The following PLEKHH1 variants were observed in gnomAD, a reference collection of about 807,000 sequenced individuals.
PLEKHH1 encodes pleckstrin homology domain-containing family H member 1.
A neutral mutation model predicts 160.0 loss-of-function variants in PLEKHH1; 104 were observed. The observed-to-expected ratio is 0.65, with a 90% CI of 0.55 to 0.76. The LOEUF is 0.76. Among genes scored for constraint, PLEKHH1 ranks in the 30% least tolerant of loss-of-function variants. The probability of loss-of-function intolerance (pLI) is 0.00; values close to 1 mark genes in which losing one functional copy is unlikely to be tolerated. For synonymous variants in PLEKHH1, 619 were observed against 678.4 expected, an observed-to-expected ratio of 0.91 and a Z score of 1.36; for missense variants, 1,427 against 1,724.1, an observed-to-expected ratio of 0.83 and a Z score of 3.05.
Position 67,562,134 on chromosome 14 carries a change from C to T in PLEKHH1, c.506-3C>T. 2 of 1,611,202 alleles carry T rather than the reference C, an allele frequency of 1.2e-6. No homozygotes were observed. Among genetic ancestry groups the T allele is most frequent in the Non-Finnish European group, 1.7e-6 (2 of 1,177,966 alleles). ...AATGTGACTGTTTTTACCCGAATCA[C>T]AGCTATTCAGATAGCTCCTTCACGG... On this transcript the variant is annotated splice_region_variant and splice_polypyrimidine_tract_variant and intron_variant, in intron 6 of 28. Transcript: ENST00000329153.
At chr14:67,544,429 T>A (rs1338656562) in intron 2 of PLEKHH1, among the ~76,000 whole-genome samples, 2 of 152,014 alleles carry the variant, frequency 1.3e-5, no homozygotes, top group Non-Finnish European at 2.9e-5. Flanking sequence ...TCACACAGGA[T>A]CCACACAGAA....
chr14:67,572,105 C>G, intron 10 of PLEKHH1, 30 bp from the exon 11 acceptor site: 1 of 1,592,932 alleles, frequency 6.3e-7, no homozygotes, highest in Non-Finnish European at 8.5e-7. Flanking sequence ...GGTGTGGGAC[C>G]CGGGCCTTGA....
At chr14:67,547,605 G>A (rs918959844) in intron 2 of PLEKHH1, among the ~76,000 whole-genome samples, 2 of 152,212 alleles carry the variant, frequency 1.3e-5, no homozygotes, top group South Asian at 4.2e-4. Context: ...CATTACATGG[G>A]CTGATGACTG....
At chr14:67,563,631 C>T (rs1338817275) in intron 7 of PLEKHH1, among the ~76,000 whole-genome samples, 1 of 151,436 alleles carries the variant, frequency 6.6e-6, no homozygotes, top group East Asian at 2.0e-4. Flanking sequence ...CAGGGTTTCA[C>T]CATGTTGGTC....
At chr14:67,537,391 C>T (rs1383374224) in intron 1 of PLEKHH1, among the ~76,000 whole-genome samples, 2 of 120,360 alleles carry the variant, frequency 1.7e-5, no homozygotes, top group Non-Finnish European at 3.8e-5. Flanking sequence ...AAAACTTAAT[C>T]TTAGGCTGGG....
chr14:67,557,674 A>T (rs976187226), intron 4 of PLEKHH1, among the ~76,000 whole-genome samples: 1 of 152,228 alleles, frequency 6.6e-6, no homozygotes, highest in Non-Finnish European at 1.5e-5. Context: ...CACCTCTAGC[A>T]CCTGCTGCCT....
At position 67,581,109 on chromosome 14, in the gene PLEKHH1, G is replaced by A. The variant is rs549390213; in HGVS notation, c.3284+71G>A. The A allele has an allele frequency of 1.6e-4, 146 of 932,244 alleles. 1 individual carries two copies. In the Admixed American group the frequency reaches 2.2e-3, roughly 14 times the overall value. 57.7% of individuals were successfully genotyped at this position (932,244 alleles called of 1,614,324 possible). A position where few individuals can be genotyped will look rare whatever the true frequency, so the allele number is the denominator to read the frequency against. On this transcript the variant is annotated intron_variant, in intron 23 of 28. Transcript: ENST00000329153. ...CTGGGTGCCAGCTCATCGCCTCCTC[G>A]ACTAGACAGCCTATCCAGACGGGGG... is the stretch of plus-strand genomic sequence containing the variant.
At chr14:67,559,312 T>C (rs4902485) in intron 4 of PLEKHH1, among the ~76,000 whole-genome samples, 151,608 of 152,306 alleles carry the variant, frequency 1, 75,462 homozygotes, top group Middle Eastern at 1. Flanking sequence ...CCTTGATTTC[T>C]ACTCCTCACT....
chr14:67,535,368 A>G (rs1409279435), intron 1 of PLEKHH1, among the ~76,000 whole-genome samples: 1 of 124,288 alleles, frequency 8.0e-6, no homozygotes, highest in African/African-American at 3.3e-5. Flanking sequence ...TAGTGAGCAC[A>G]TCTTTTTTTT....
intron 18 of PLEKHH1, 28 bp downstream of exon 18, chr14:67,577,442 C>A: frequency 7.4e-7 from 1 of 1,359,574 alleles, no homozygotes; most frequent in South Asian, 1.2e-5. Flanking sequence ...CCAGGCCCAC[C>A]GCTGGGATAC....
intron 1 of PLEKHH1, among the ~76,000 whole-genome samples, chr14:67,538,786 G>A (rs576863283): frequency 6.6e-6 from 1 of 152,262 alleles, no homozygotes; most frequent in South Asian, 2.1e-4. Context: ...GGCAGGGAGA[G>A]GATTAAACAG....
chr14:67,563,814 A>G (rs1594767665), intron 7 of PLEKHH1, among the ~76,000 whole-genome samples: 1 of 145,676 alleles, frequency 6.9e-6, no homozygotes. Flanking sequence ...GCTCACTGCA[A>G]CCTCCGCCTC....
At chr14:67,547,808 C>G (rs2034240552) in intron 2 of PLEKHH1, among the ~76,000 whole-genome samples, 1 of 152,208 alleles carries the variant, frequency 6.6e-6, no homozygotes, top group Non-Finnish European at 1.5e-5. Flanking sequence ...AGGGAATAAT[C>G]TGTGCTAAAA....
At chr14:67,575,522 A>T in intron 15 of PLEKHH1, 50 bp downstream of exon 15, 1 of 1,154,266 alleles carries the variant, frequency 8.7e-7, no homozygotes, top group East Asian at 2.5e-5. Flanking sequence ...CCCCCGAAGC[A>T]CATGACTGCC....
chr14:67,569,897 C>T, intron 8 of PLEKHH1, 24 bp from the exon 9 acceptor site: 1 of 1,505,844 alleles, frequency 6.6e-7, no homozygotes, highest in East Asian at 2.3e-5. Flanking sequence ...CTTGAGTAAT[C>T]TCATTCCTCT....
At chr14:67,537,581 C>T (rs1594737033) in intron 1 of PLEKHH1, among the ~76,000 whole-genome samples, 1 of 151,812 alleles carries the variant, frequency 6.6e-6, no homozygotes, top group Admixed American at 6.6e-5. Flanking sequence ...GGGAGGGTCA[C>T]CTGAGCTTGG....
Position 67,572,285 on chromosome 14 carries a change from G to T in PLEKHH1, c.1728+8G>T. 2 of 1,586,698 alleles carry T rather than the reference G, an allele frequency of 1.3e-6. No individual in the cohort carries two copies. Among genetic ancestry groups the T allele is most frequent in the East Asian group, 2.3e-5 (1 of 43,820 alleles). ...GGGCTGGGCCTGGGCGGGGTGAGCCGGGAAACGGGCGGGGGCAGGGTGGAA... is the reference window on the plus strand; with the variant it reads ...GGGCTGGGCCTGGGCGGGGTGAGCCTGGAAACGGGCGGGGGCAGGGTGGAA... On this transcript the variant is annotated splice_region_variant and intron_variant, in intron 11 of 28. Transcript: ENST00000329153.
intron 11 of PLEKHH1, among the ~76,000 whole-genome samples, chr14:67,572,558 A>G (rs1318748245): frequency 6.6e-6 from 1 of 152,170 alleles, no homozygotes; most frequent in Non-Finnish European, 1.5e-5. Flanking sequence ...AGAGTTTTCC[A>G]TATATGACTT....
intron 9 of PLEKHH1, 73 bp downstream of exon 9, chr14:67,570,085 G>A (rs2035299928): frequency 9.3e-7 from 1 of 1,072,516 alleles, no homozygotes; most frequent in South Asian, 1.3e-5. Flanking sequence ...AATGACTGGG[G>A]CGGGGCTCTA....
Sources: gnomAD v4.1 joint callset for allele counts (sites outside exome capture counted in the v4.1 genomes callset) on GRCh38, gnomAD v4.1.1 for gene constraint, MANE v1.5 for transcripts, NCBI Gene and HGNC (gene_info 2026-07-23, HGNC 2026-07-21) for gene names.